KDM7A: variants seen among roughly 807,000 people sequenced by gnomAD.
The protein encoded by KDM7A is lysine demethylase 7A, also known as lysine-specific demethylase 7A.
Under a neutral mutation model 114.8 loss-of-function variants are expected in KDM7A, and 28 were observed. The ratio of observed to expected loss-of-function variants is 0.24; its 90% confidence interval spans 0.18 to 0.33. The LOEUF is 0.33. Ranked by LOEUF, KDM7A falls within the 10% of genes least tolerant of loss-of-function variation. The pLI is 1.00. For missense variants in KDM7A, 942 were observed against 1,142.5 expected (o/e 0.82, Z 2.53); for synonymous variants, 423 against 397.8 (o/e 1.06, Z -0.75).
At chr7:140,134,141 T>C (rs946946378) in intron 2 of KDM7A, among the ~76,000 whole-genome samples, 1 of 152,134 alleles carries the variant, frequency 6.6e-6, no homozygotes, top group Non-Finnish European at 1.5e-5. Flanking sequence ...TACACTGACA[T>C]AAAGAAGAGC....
chr7:140,129,362 T>C (rs1163086868), intron 4 of KDM7A, 131 bp downstream of exon 4: 1 of 731,086 alleles, frequency 1.4e-6, no homozygotes, highest in Non-Finnish European at 2.3e-6. Context: ...TCAATATAGA[T>C]GATACTGAGC....
In KDM7A at chr7:140,090,008, C is replaced by T. The variant is rs1422685013; in HGVS notation, c.*1086G>A. 1 of 152,150 alleles carries T rather than the reference C, an allele frequency of 6.6e-6. No homozygotes were observed. The highest frequency in any genetic ancestry group is 1.5e-5 in the Non-Finnish European group (1 of 68,032). 9.4% of individuals were successfully genotyped at this position (152,150 alleles called of 1,614,324 possible). A position where few individuals can be genotyped will look rare whatever the true frequency, so the allele number is the denominator to read the frequency against. ...ATTTCCCAACAAATCAGGTATGGAG[C>T]ATAAAAGTATCATAAGGTATAACCT... On this transcript the variant is annotated 3_prime_UTR_variant, in exon 20 of 20. Coordinates refer to ENST00000397560, the MANE Select transcript of KDM7A (RefSeq NM_030647.2).
chr7:140,159,945 TAAA>T (rs71520071), intron 1 of KDM7A, among the ~76,000 whole-genome samples: 14 of 124,018 alleles, frequency 1.1e-4, no homozygotes, highest in African/African-American at 3.4e-4. Context: ...TGACTTCCAT[TAAA>T]AAAAAAAAAA....
chr7:140,176,900 G>A lies in KDM7A; in HGVS notation c.38C>T (p.Ala13Val), dbSNP rs1310250020. The A allele has an allele frequency of 4.2e-6, 5 of 1,179,736 alleles. No homozygotes were observed. The highest frequency in any genetic ancestry group is 2.8e-4 in the Middle Eastern group (1 of 3,602). The allele number at this position is 1,179,736 out of a possible 1,614,324, so 73.1% of individuals were successfully genotyped here. A position where few individuals can be genotyped will look rare whatever the true frequency, so the allele number is the denominator to read the frequency against. ...CACGGCTGCCGCGGCGGCTCCAGCT[G>A]CTGCTCCCGCGGCCACCGCCGCCGC... ...GAAAAVAAGA[A>V]AGAAAAAVSV... Residue 13 changes from alanine to valine, a missense_variant, in exon 1 of 20, where the codon GCA becomes GTA. Coordinates refer to ENST00000397560, the MANE Select transcript of KDM7A (RefSeq NM_030647.2). The surrounding 1 kb of genome is among the most constrained non-coding windows in gnomAD (Gnocchi z 4.4).
chr7:140,135,370 T>C (rs1409313137), intron 2 of KDM7A, among the ~76,000 whole-genome samples: 2 of 152,050 alleles, frequency 1.3e-5, no homozygotes. Context: ...ATTCGGCTAA[T>C]TTTTTGTATT....
intron 10 of KDM7A, among the ~76,000 whole-genome samples, chr7:140,112,806 T>C (rs1243368969): frequency 3.3e-5 from 5 of 152,270 alleles, no homozygotes; most frequent in South Asian, 2.1e-4. Flanking sequence ...TTTAAGCCCA[T>C]AGGCACAAGA....
intron 5 of KDM7A, 116 bp downstream of exon 5, chr7:140,127,326 C>T: frequency 1.2e-6 from 1 of 852,222 alleles, no homozygotes; most frequent in Non-Finnish European, 1.8e-6. Context: ...TATAACATTG[C>T]TACCACTGGA....
intron 9 of KDM7A, among the ~76,000 whole-genome samples, chr7:140,117,784 A>G (rs1355059738): frequency 6.6e-6 from 1 of 152,234 alleles, no homozygotes; most frequent in Non-Finnish European, 1.5e-5. Flanking sequence ...CCCACAGCCA[A>G]GAAAAATAAC....
chr7:140,121,840 A>G (rs529229785), intron 7 of KDM7A, among the ~76,000 whole-genome samples: 7 of 152,316 alleles, frequency 4.6e-5, no homozygotes, highest in Non-Finnish European at 1.0e-4. Flanking sequence ...CACACACAGT[A>G]TATTTTCATG....
chr7:140,149,153 T>G (rs1241907751), intron 1 of KDM7A, among the ~76,000 whole-genome samples: 4 of 151,982 alleles, frequency 2.6e-5, no homozygotes, highest in Non-Finnish European at 5.9e-5. Flanking sequence ...TCAAACAACA[T>G]GAGAGGAAAA....
At chr7:140,120,740 G>A (rs1818606806) in intron 7 of KDM7A, among the ~76,000 whole-genome samples, 1 of 152,120 alleles carries the variant, frequency 6.6e-6, no homozygotes, top group African/African-American at 2.4e-5. Context: ...GAGAAATAAG[G>A]TGACGGTTTT....
chr7:140,114,104 C>A (rs1280379328), intron 9 of KDM7A, among the ~76,000 whole-genome samples: 1 of 152,002 alleles, frequency 6.6e-6, no homozygotes, highest in East Asian at 1.9e-4. Context: ...ATTCAATTCA[C>A]CAGAAAGACG....
In KDM7A at chr7:140,176,231, C is replaced by T. The variant is rs1315740285; in HGVS notation, c.194+513G>A. Among the ~76,000 whole-genome samples, 1 of 151,650 alleles carries T rather than the reference C, an allele frequency of 6.6e-6. No homozygotes were observed. The highest frequency in any genetic ancestry group is 1.5e-5 in the Non-Finnish European group (1 of 67,886). On this transcript the variant is annotated intron_variant, in intron 1 of 19. Transcript: ENST00000397560. The surrounding 1 kb of genome is among the most constrained non-coding windows in gnomAD (Gnocchi z 4.4). ...GGGAAGGGGGCGCGACAGGGACCCG[C>T]GGCGCGGAGGAGACGCGGGGCCGGG...
intron 1 of KDM7A, among the ~76,000 whole-genome samples, chr7:140,155,472 T>C (rs1794448630): frequency 6.6e-6 from 1 of 152,182 alleles, no homozygotes; most frequent in African/African-American, 2.4e-5. Flanking sequence ...ATTTGCCAAA[T>C]CCCTTTTGCA....
intron 1 of KDM7A, among the ~76,000 whole-genome samples, chr7:140,158,934 C>G (rs1794487986): frequency 1.3e-5 from 2 of 152,168 alleles, no homozygotes; most frequent in African/African-American, 2.4e-5. Context: ...AAACTGGAAA[C>G]AGCAAGTAGG....
At chr7:140,095,629 G>A in intron 17 of KDM7A, 1 of 286,296 alleles carries the variant, frequency 3.5e-6, no homozygotes, top group Non-Finnish European at 7.1e-6. Context: ...TGTAATCTCA[G>A]CACTTTGGGA....
In KDM7A at chr7:140,088,278, G is replaced by T. The variant is rs1817966558; in HGVS notation, c.*2816C>A. 1 of 372,282 alleles carries T rather than the reference G, an allele frequency of 2.7e-6. No individual in the cohort carries two copies. The highest frequency in any genetic ancestry group is 4.8e-6 in the Non-Finnish European group (1 of 209,644). The allele number at this position is 372,282 out of a possible 1,614,324, so 23.1% of individuals were successfully genotyped here. On this transcript the variant is annotated 3_prime_UTR_variant, in exon 20 of 20. Coordinates refer to ENST00000397560, the MANE Select transcript of KDM7A (RefSeq NM_030647.2). Reference sequence around the variant, plus strand: ...ATTGTTTACATCACTCATCAATATTGAAAAGCATAATATTATGTGACATTG... The same window carrying T: ...ATTGTTTACATCACTCATCAATATTTAAAAGCATAATATTATGTGACATTG...
intron 3 of KDM7A, among the ~76,000 whole-genome samples, chr7:140,131,658 C>T (rs1390718460): frequency 6.6e-6 from 1 of 152,228 alleles, no homozygotes; most frequent in Non-Finnish European, 1.5e-5. Context: ...ATTGTCCCTC[C>T]TTCCCCCAAC....
At chr7:140,121,471 A>G (rs1049364534) in intron 7 of KDM7A, among the ~76,000 whole-genome samples, 2 of 152,358 alleles carry the variant, frequency 1.3e-5, no homozygotes, top group African/African-American at 4.8e-5. Context: ...GCTCAAAGGC[A>G]CAAAGCCTTG....
Sources: allele counts gnomAD v4.1 joint callset (sites outside exome capture counted in the v4.1 genomes callset), GRCh38; gene constraint gnomAD v4.1.1; non-coding constraint Gnocchi (gnomAD v3.1); transcripts MANE v1.5; gene names NCBI Gene and HGNC (gene_info 2026-07-23, HGNC 2026-07-21).